UNC13C: variants seen among roughly 807,000 people sequenced by gnomAD.
UNC13C encodes the protein unc-13 homolog C.
In UNC13C, 174 loss-of-function variants were observed where a neutral mutation model predicts 245.4. The ratio of observed to expected loss-of-function variants is 0.71; its 90% confidence interval spans 0.63 to 0.80. UNC13C has a LOEUF of 0.80. Among genes scored for constraint, UNC13C ranks in the 30% least tolerant of loss-of-function variants. UNC13C has a pLI of 0.00. For missense variants in UNC13C, 2,829 were observed against 2,602.9 expected (o/e 1.09, Z -1.89); for synonymous variants, 992 against 895.1 (o/e 1.11, Z -1.93).
At chr15:54,545,850 G>A (rs1896460868) in intron 26 of UNC13C, among the ~76,000 whole-genome samples, 1 of 152,096 alleles carries the variant, frequency 6.6e-6, no homozygotes, top group South Asian at 2.1e-4. Context: ...GGAGAAATAG[G>A]AACACTTTTA....
At chr15:54,399,635 T>C (rs2140927168) in intron 18 of UNC13C, among the ~76,000 whole-genome samples, 1 of 151,912 alleles carries the variant, frequency 6.6e-6, no homozygotes, top group Non-Finnish European at 1.5e-5. Flanking sequence ...AGAAAGTATC[T>C]CAATGTATTG....
chr15:54,454,217 A>T (rs1056005587), intron 19 of UNC13C, among the ~76,000 whole-genome samples: 2 of 152,022 alleles, frequency 1.3e-5, no homozygotes, highest in African/African-American at 4.8e-5. Context: ...ATGTTGTACT[A>T]TTATCACCAT....
Position 54,435,816 on chromosome 15 carries a change from T to C in UNC13C, c.4933+20749T>C, listed in dbSNP as rs180719555. Among the ~76,000 whole-genome samples the C allele has an allele frequency of 3.4e-3, 515 of 151,710 alleles. 3 individuals carry two copies. Among genetic ancestry groups the C allele is most frequent in the Non-Finnish European group, 5.5e-3 (372 of 67,860 alleles). On this transcript the variant is annotated intron_variant, in intron 19 of 32. Coordinates refer to ENST00000260323, the MANE Select transcript of UNC13C (RefSeq NM_001080534.3). ...AACCTACAGAATGGGAGAAAACTTT[T>C]GCAATCTATCCATCTGACAAAGGGC...
chr15:53,944,472 C>A, the UNC13C span, among the ~76,000 whole-genome samples: 1 of 152,126 alleles, frequency 6.6e-6, no homozygotes, highest in Non-Finnish European at 1.5e-5. Context: ...CCTGTGTTCT[C>A]ATCATTTAGC....
chr15:54,580,416 C>G (rs1476435626), intron 30 of UNC13C, among the ~76,000 whole-genome samples: 2 of 152,196 alleles, frequency 1.3e-5, no homozygotes, highest in Non-Finnish European at 2.9e-5. Flanking sequence ...GTACAAACCT[C>G]TGGTGTAAAA....
the UNC13C span, among the ~76,000 whole-genome samples, chr15:53,868,782 T>G: frequency 1.3e-5 from 2 of 152,148 alleles, no homozygotes; most frequent in Non-Finnish European, 2.9e-5. Flanking sequence ...TATGGAGATG[T>G]CATTTGAAGT....
chr15:54,169,790 C>A (rs1232669408), intron 4 of UNC13C, among the ~76,000 whole-genome samples: 1 of 152,164 alleles, frequency 6.6e-6, no homozygotes, highest in African/African-American at 2.4e-5. Context: ...AGGGGACCTT[C>A]TTCCAAGAAA....
chr15:54,443,411 T>C (rs1224118816), intron 19 of UNC13C, among the ~76,000 whole-genome samples: 1 of 151,198 alleles, frequency 6.6e-6, no homozygotes, highest in African/African-American at 2.4e-5. Flanking sequence ...TTAGATTTAG[T>C]CTGTTGTTTA....
At chr15:53,994,645 C>T (rs921026439) in intron 1 of UNC13C, among the ~76,000 whole-genome samples, 10 of 152,042 alleles carry the variant, frequency 6.6e-5, no homozygotes, top group African/African-American at 2.4e-4. Flanking sequence ...ACTTTTACTA[C>T]AAAAGAAGGA....
At chr15:54,221,251 T>C in intron 4 of UNC13C, among the ~76,000 whole-genome samples, 1 of 152,046 alleles carries the variant, frequency 6.6e-6, no homozygotes, top group Non-Finnish European at 1.5e-5. Context: ...TTCACAATGT[T>C]GTATAAAATA....
chr15:54,620,343 T>C (rs1459048919), intron 30 of UNC13C, among the ~76,000 whole-genome samples: 2 of 152,118 alleles, frequency 1.3e-5, no homozygotes, highest in African/African-American at 4.8e-5. Flanking sequence ...ATTGTATACG[T>C]TTAGAGTCCC....
intron 30 of UNC13C, among the ~76,000 whole-genome samples, chr15:54,595,383 C>T (rs1204157293): frequency 6.6e-6 from 1 of 152,112 alleles, no homozygotes; most frequent in Admixed American, 6.5e-5. Flanking sequence ...AAAGGAGGGT[C>T]TCCTTTTTCT....
intron 4 of UNC13C, among the ~76,000 whole-genome samples, chr15:54,163,264 C>G (rs973277195): frequency 6.6e-6 from 1 of 152,062 alleles, no homozygotes; most frequent in Non-Finnish European, 1.5e-5. Flanking sequence ...AAAGGGGCTA[C>G]TAGCCAAAGA....
At chr15:53,988,182 C>G (rs568218658) in intron 1 of UNC13C, among the ~76,000 whole-genome samples, 1 of 152,032 alleles carries the variant, frequency 6.6e-6, no homozygotes, top group South Asian at 2.1e-4. Flanking sequence ...TACTAGAATG[C>G]TTACATATTT....
In UNC13C at chr15:54,627,794, C is replaced by T. The variant is rs1023175254; in HGVS notation, c.*681C>T. 6.6e-6 allele frequency: 1 copy of T among 152,526 alleles called. No individual in the cohort carries two copies. The highest frequency in any genetic ancestry group is 6.6e-5 in the Admixed American group (1 of 15,250). The allele number at this position is 152,526 out of a possible 1,614,324, so 9.4% of individuals were successfully genotyped here. A position where few individuals can be genotyped will look rare whatever the true frequency, so the allele number is the denominator to read the frequency against. On this transcript the variant is annotated 3_prime_UTR_variant, in exon 33 of 33. Coordinates refer to ENST00000260323, the MANE Select transcript of UNC13C (RefSeq NM_001080534.3). Reference sequence around the variant, plus strand: ...TTCTCTAAAACTGCCAAGATCACATCACATTTGTAAAAATGGTAAGTTAAT... The same window carrying T: ...TTCTCTAAAACTGCCAAGATCACATTACATTTGTAAAAATGGTAAGTTAAT...
chr15:54,127,312 C>T (rs898068754), intron 2 of UNC13C, among the ~76,000 whole-genome samples: 5 of 151,976 alleles, frequency 3.3e-5, no homozygotes, highest in Non-Finnish European at 7.4e-5. Context: ...ACCCACATGC[C>T]CAACAATGAT....
chr15:54,310,422 G>A (rs1272687128), intron 13 of UNC13C, among the ~76,000 whole-genome samples: 1 of 151,834 alleles, frequency 6.6e-6, no homozygotes, highest in African/African-American at 2.4e-5. Flanking sequence ...TGACTTCTGT[G>A]TCCAGTGCTT....
the UNC13C span, among the ~76,000 whole-genome samples, chr15:53,923,506 A>G: frequency 6.6e-6 from 1 of 152,240 alleles, no homozygotes; most frequent in Admixed American, 6.5e-5. Flanking sequence ...CAGCCTTGAT[A>G]ACTTGAAGGA....
the UNC13C span, among the ~76,000 whole-genome samples, chr15:53,869,970 G>T: frequency 1.3e-5 from 2 of 152,176 alleles, no homozygotes; most frequent in Admixed American, 1.3e-4. Context: ...GGATTAGACT[G>T]CTTTCAGCCA....
Sources: gnomAD v4.1 joint callset for allele counts (sites outside exome capture counted in the v4.1 genomes callset) on GRCh38, gnomAD v4.1.1 for gene constraint, MANE v1.5 for transcripts, NCBI Gene and HGNC (gene_info 2026-07-23, HGNC 2026-07-21) for gene names.